Variants in NR2F1-AS1 observed in about 807,000 individuals in gnomAD.
The protein encoded by NR2F1-AS1 is NR2F1 antisense RNA 1.
intron 4 of NR2F1-AS1, among the ~76,000 whole-genome samples, chr5:93,481,985 C>A (rs920219503): frequency 1.3e-5 from 2 of 151,624 alleles, no homozygotes; most frequent in African/African-American, 4.8e-5. Flanking sequence ...TAATTTTACA[C>A]CTTAAGAAAC....
chr5:93,497,959 T>C (rs1400180020), intron 4 of NR2F1-AS1, among the ~76,000 whole-genome samples: 1 of 152,198 alleles, frequency 6.6e-6, no homozygotes, highest in Non-Finnish European at 1.5e-5. Context: ...TATACCGTTT[T>C]GGCACTGGGT....
intron 4 of NR2F1-AS1, among the ~76,000 whole-genome samples, chr5:93,552,233 G>A (rs1752247135): frequency 6.6e-6 from 1 of 152,176 alleles, no homozygotes; most frequent in Admixed American, 6.5e-5. Flanking sequence ...TCTTGGAAAT[G>A]TCAGTGACAG....
chr5:93,536,921 T>C (rs867476586), intron 4 of NR2F1-AS1, among the ~76,000 whole-genome samples: 2 of 152,242 alleles, frequency 1.3e-5, no homozygotes, highest in African/African-American at 4.8e-5. Context: ...TCTCATGAGA[T>C]CTGATGGTTT....
upstream of NR2F1-AS1, among the ~76,000 whole-genome samples, chr5:93,583,009 A>G (rs1389416857): frequency 6.6e-6 from 1 of 152,100 alleles, no homozygotes; most frequent in Non-Finnish European, 1.5e-5. Flanking sequence ...AATGGCGTGC[A>G]GGAGGCTTGG....
chr5:93,499,103 T>C (rs964833899), intron 4 of NR2F1-AS1, among the ~76,000 whole-genome samples: 7 of 152,334 alleles, frequency 4.6e-5, no homozygotes, highest in Middle Eastern at 6.8e-3. Context: ...AAATCAGTAA[T>C]CTTTTCATGT....
At chr5:93,559,573 C>T (rs781705553) in intron 2 of NR2F1-AS1, among the ~76,000 whole-genome samples, 9 of 152,204 alleles carry the variant, frequency 5.9e-5, no homozygotes, top group Non-Finnish European at 1.3e-4. Flanking sequence ...CCTCACTAAG[C>T]TTAATCATTT....
At chr5:93,483,646 C>T (rs1415256761) in intron 4 of NR2F1-AS1, among the ~76,000 whole-genome samples, 1 of 152,118 alleles carries the variant, frequency 6.6e-6, no homozygotes, top group African/African-American at 2.4e-5. Flanking sequence ...TAATAACAAA[C>T]TCCTCTGAGC....
At chr5:93,569,921 A>C (rs1752706761) in intron 1 of NR2F1-AS1, 1 of 152,192 alleles carries the variant, frequency 6.6e-6, no homozygotes, top group Non-Finnish European at 1.5e-5. Flanking sequence ...CTAGTGCAAC[A>C]TCTGGAGCAC....
At chr5:93,575,691 G>T (rs1752879705) in intron 1 of NR2F1-AS1, among the ~76,000 whole-genome samples, 1 of 151,768 alleles carries the variant, frequency 6.6e-6, no homozygotes, top group Non-Finnish European at 1.5e-5. Flanking sequence ...ATGACTTCTG[G>T]AAAAAGCTGT....
At chr5:93,441,514 GC>G (rs1749569898) in intron 4 of NR2F1-AS1, among the ~76,000 whole-genome samples, 1 of 152,138 alleles carries the variant, frequency 6.6e-6, no homozygotes, top group African/African-American at 2.4e-5. Context: ...TTAGTCGGTT[GC>G]CCCCAGTTTA....
At chr5:93,451,850 T>C (rs563688455) in intron 4 of NR2F1-AS1, among the ~76,000 whole-genome samples, 20 of 152,354 alleles carry the variant, frequency 1.3e-4, no homozygotes, top group African/African-American at 3.8e-4. Flanking sequence ...AATTTTGACA[T>C]TGTCAAGCAT....
intron 4 of NR2F1-AS1, among the ~76,000 whole-genome samples, chr5:93,462,131 G>T (rs1750108572): frequency 6.6e-6 from 1 of 152,170 alleles, no homozygotes; most frequent in Non-Finnish European, 1.5e-5. Flanking sequence ...AATGACCAAT[G>T]ATATGGTTTG....
intron 2 of NR2F1-AS1, among the ~76,000 whole-genome samples, chr5:93,558,225 G>A (rs1419327318): frequency 6.6e-6 from 1 of 152,120 alleles, no homozygotes; most frequent in African/African-American, 2.4e-5. Flanking sequence ...CAGCTAGAAG[G>A]GTGAATCTTT....
intron 4 of NR2F1-AS1, among the ~76,000 whole-genome samples, chr5:93,485,489 C>T (rs73133251): frequency 0.1 from 15,538 of 152,088 alleles, 873 homozygotes; most frequent in Middle Eastern, 0.16. Flanking sequence ...ATAGCACTAA[C>T]GCCCTGAGGA....
chr5:93,581,838 TCTCTCTCTCTCTCTC>T (rs771904998), upstream of NR2F1-AS1, among the ~76,000 whole-genome samples: 2,647 of 35,202 alleles, frequency 0.075, 565 homozygotes, highest in Non-Finnish European at 0.12. Flanking sequence ...CTCTCTCTCC[TCTCTCTCTCTCTCTC>T]CTCTCTCTCT....
At chr5:93,434,143 T>A (rs150207585) in intron 4 of NR2F1-AS1, among the ~76,000 whole-genome samples, 5 of 152,302 alleles carry the variant, frequency 3.3e-5, no homozygotes, top group African/African-American at 1.2e-4. Context: ...TCTTATTACC[T>A]ATAAAACTAT....
chr5:93,489,333 C>T (rs934033627), intron 4 of NR2F1-AS1, among the ~76,000 whole-genome samples: 1 of 151,920 alleles, frequency 6.6e-6, no homozygotes, highest in African/African-American at 2.4e-5. Context: ...AGGAAAGACC[C>T]TCCACCGGCA....
At chr5:93,466,099 C>G (rs1750224782) in intron 4 of NR2F1-AS1, among the ~76,000 whole-genome samples, 1 of 151,928 alleles carries the variant, frequency 6.6e-6, no homozygotes, top group Non-Finnish European at 1.5e-5. Flanking sequence ...TTGTTACTAG[C>G]TAGAGGAAGC....
intron 4 of NR2F1-AS1, among the ~76,000 whole-genome samples, chr5:93,448,944 A>G (rs1749773261): frequency 6.6e-6 from 1 of 152,194 alleles, no homozygotes; most frequent in Non-Finnish European, 1.5e-5. Context: ...TTGATACATA[A>G]AATGAATAAT....
Sources: gnomAD v4.1 joint callset for allele counts (sites outside exome capture counted in the v4.1 genomes callset) on GRCh38, gnomAD v4.1.1 for gene constraint, MANE v1.5 for transcripts, NCBI Gene and HGNC (gene_info 2026-07-23, HGNC 2026-07-21) for gene names.